Variants in CCDC82 observed in about 807,000 individuals in gnomAD.
CCDC82 encodes coiled-coil domain-containing protein 82.
CCDC82 carries 47 observed loss-of-function variants against 60.6 expected under a neutral mutation model. The ratio of observed to expected loss-of-function variants is 0.77; its 90% CI spans 0.61 to 0.99. The LOEUF is 0.99. Ranked by LOEUF, CCDC82 falls within the 50% of genes least tolerant of loss-of-function variation. The probability of loss-of-function intolerance (pLI) is 0.00; values close to 1 mark genes in which losing one functional copy is unlikely to be tolerated. For missense variants in CCDC82, 588 were observed against 633.0 expected (o/e 0.93, Z 0.76); for synonymous variants, 212 against 207.4 (o/e 1.02, Z -0.19).
At chr11:96,378,139 A>G (rs1176585597) in intron 5 of CCDC82, among the ~76,000 whole-genome samples, 1 of 151,984 alleles carries the variant, frequency 6.6e-6, no homozygotes, top group Admixed American at 6.6e-5. Flanking sequence ...AGAACTTCTC[A>G]ACTATCTCCT....
chr11:96,365,933 C>T (rs1478689777), intron 7 of CCDC82, among the ~76,000 whole-genome samples: 7 of 152,172 alleles, frequency 4.6e-5, no homozygotes, highest in African/African-American at 1.7e-4. Context: ...TTCTACCAGA[C>T]GGATGGTAAT....
chr11:96,379,389 A>G (rs1865754090), intron 5 of CCDC82, among the ~76,000 whole-genome samples: 1 of 151,822 alleles, frequency 6.6e-6, no homozygotes, highest in Admixed American at 6.6e-5. Flanking sequence ...CTGATGTCCA[A>G]TATTTCTCTG....
At position 96,365,007 on chromosome 11, in the gene CCDC82, T is replaced by C. The variant is rs757384777; in HGVS notation, c.1353A>G (p.Ile451Met). The C allele has an allele frequency of 1.9e-6, 3 of 1,603,576 alleles. No individual in the cohort carries two copies. The highest frequency in any genetic ancestry group is 2.3e-5 in the South Asian group (2 of 87,334). ...GTTTATCATGTGACATGAAATTATC[T>C]ATTTGCATGGTCCTGGTGTTATACA... ...GELYNTRTMQ[I>M]DNFMSHDKQV... The change falls in exon 8 of 10, where the codon ATA (isoleucine) becomes ATG (methionine). Residue 451 changes from isoleucine to methionine, a missense_variant. Ile to Met is a conservative substitution (Grantham distance 10). Transcript: ENST00000646818.
intron 7 of CCDC82, among the ~76,000 whole-genome samples, chr11:96,369,953 T>C (rs1422211566): frequency 2.0e-5 from 3 of 152,236 alleles, no homozygotes; most frequent in Non-Finnish European, 2.9e-5. Flanking sequence ...ATATACAGTA[T>C]TTCATTTCAC....
At chr11:96,361,386 A>G (rs1864654093) in intron 8 of CCDC82, among the ~76,000 whole-genome samples, 1 of 152,210 alleles carries the variant, frequency 6.6e-6, no homozygotes, top group South Asian at 2.1e-4. Context: ...CTTTGAAAAT[A>G]TTTAACATTA....
At chr11:96,360,709 T>C (rs1555047796) in intron 8 of CCDC82, among the ~76,000 whole-genome samples, 1 of 152,238 alleles carries the variant, frequency 6.6e-6, no homozygotes, top group Non-Finnish European at 1.5e-5. Context: ...GCAACTTGTG[T>C]TCTGTCTGAC....
At chr11:96,373,737 T>C (rs1413852632) in intron 5 of CCDC82, among the ~76,000 whole-genome samples, 2 of 152,148 alleles carry the variant, frequency 1.3e-5, no homozygotes, top group African/African-American at 4.8e-5. Context: ...AATATTAAAA[T>C]AAGTTTAAAA....
chr11:96,367,515 T>C (rs1021958306), intron 7 of CCDC82, among the ~76,000 whole-genome samples: 7 of 152,238 alleles, frequency 4.6e-5, no homozygotes, highest in African/African-American at 1.2e-4. Flanking sequence ...TATCATGAGA[T>C]TGCAGCAATC....
chr11:96,372,765 T>G (rs1294607850), intron 6 of CCDC82, among the ~76,000 whole-genome samples: 1 of 146,954 alleles, frequency 6.8e-6, no homozygotes, highest in Non-Finnish European at 1.5e-5. Context: ...TATATATATT[T>G]ATAAATTTGC....
chr11:96,356,791 T>C (rs1864371996), intron 9 of CCDC82: 1 of 985,134 alleles, frequency 1.0e-6, no homozygotes, highest in Admixed American at 6.2e-5. Context: ...ACAAAAAGAA[T>C]GAAGTCAGTC....
intron 9 of CCDC82, chr11:96,356,767 C>CT (rs1864371021): frequency 1.0e-6 from 1 of 984,860 alleles, no homozygotes; most frequent in African/African-American, 1.7e-5. Flanking sequence ...CTAGTTCAAC[C>CT]TTTAGAAGGA....
intron 9 of CCDC82, chr11:96,356,717 C>G: frequency 1.0e-6 from 1 of 968,512 alleles, no homozygotes; most frequent in Non-Finnish European, 1.2e-6. Flanking sequence ...CAAGTTGCTC[C>G]TACACCCCTT....
At chr11:96,383,757 A>G (rs1379633677) in intron 4 of CCDC82, among the ~76,000 whole-genome samples, 1 of 152,044 alleles carries the variant, frequency 6.6e-6, no homozygotes, top group Non-Finnish European at 1.5e-5. Flanking sequence ...TAGTCTTTCA[A>G]TTTTAAAAAA....
intron 9 of CCDC82, chr11:96,357,935 TG>T: frequency 1.0e-6 from 1 of 985,254 alleles, no homozygotes; most frequent in Non-Finnish European, 1.2e-6. Context: ...AGGATCAAGA[TG>T]TGGGGGGCAG....
At position 96,371,002 on chromosome 11, in the gene CCDC82, A is replaced by C. The variant is rs771657729; in HGVS notation, c.1209+11T>G. The C allele has an allele frequency of 1.1e-5, 17 of 1,537,058 alleles. No individual in the cohort carries two copies. Among genetic ancestry groups the C allele is most frequent in the Non-Finnish European group, 1.2e-5 (14 of 1,143,896 alleles). ...AACCCCCAAGCAGAGATTCAAAAAC[A>C]AACTGTGTACCTTATATTGCTCTTT... is the stretch of plus-strand genomic sequence containing the variant. On this transcript the variant is annotated intron_variant, in intron 7 of 9. Transcript: ENST00000646818.
intron 7 of CCDC82, among the ~76,000 whole-genome samples, chr11:96,370,241 C>A (rs1865189307): frequency 6.6e-6 from 1 of 152,076 alleles, no homozygotes; most frequent in Admixed American, 6.5e-5. Context: ...TTTTAAATAA[C>A]TTAAACTTCA....
chr11:96,372,248 C>T (rs1249847072), intron 6 of CCDC82, among the ~76,000 whole-genome samples: 2 of 152,130 alleles, frequency 1.3e-5, no homozygotes, highest in African/African-American at 4.8e-5. Flanking sequence ...TTAAAAGCTA[C>T]CCCAAGAGGC....
chr11:96,372,494 G>A (rs1029842612), intron 6 of CCDC82, among the ~76,000 whole-genome samples: 1 of 151,224 alleles, frequency 6.6e-6, no homozygotes, highest in East Asian at 1.9e-4. Flanking sequence ...CTAGCTTATA[G>A]TAGACATTCA....
Position 96,353,679 on chromosome 11 carries a change from C to A in CCDC82, c.1602G>T (p.Ala534=). The change falls in exon 10 of 10, where the codon GCG becomes GCT. Residue 534 remains alanine (A), a synonymous_variant. Transcript: ENST00000646818. ...CAAACTTCTCTTCTTGAAAGTAATC[C>A]GCAAAATTGAGATATTCTTCAAGTT... ...YGQLEEYLNF[A]DYFQEEKFEL is the part of the protein sequence containing the mutation. The A allele has an allele frequency of 6.2e-7, 1 of 1,610,472 alleles. No individual in the cohort carries two copies.
Sources: gnomAD v4.1 joint callset for allele counts (sites outside exome capture counted in the v4.1 genomes callset) on GRCh38, gnomAD v4.1.1 for gene constraint, MANE v1.5 for transcripts, NCBI Gene and HGNC (gene_info 2026-07-23, HGNC 2026-07-21) for gene names.